The following ZFYVE26 variants were observed in gnomAD, a reference collection of about 807,000 sequenced individuals.
ZFYVE26 encodes zinc finger FYVE domain-containing protein 26.
ZFYVE26 carries 181 observed loss-of-function variants against 276.5 expected under a neutral mutation model. The observed-to-expected ratio is 0.65, with a 90% CI of 0.58 to 0.74. The LOEUF (loss-of-function observed/expected upper bound fraction) is 0.74. Among genes scored for constraint, ZFYVE26 ranks in the 30% least tolerant of loss-of-function variants. ZFYVE26 has a pLI of 0.00. For missense variants in ZFYVE26, 2,821 were observed against 3,097.9 expected (o/e 0.91, Z 2.12); for synonymous variants, 1,129 against 1,203.1 (o/e 0.94, Z 1.27).
At position 67,762,365 on chromosome 14, in the gene ZFYVE26, C is replaced by T. The variant is rs1477761332; in HGVS notation, c.6207G>A (p.Trp2069Ter). The change falls in exon 34 of 42, where the codon TGG (tryptophan) becomes TGA (stop). Residue 2069 changes from tryptophan (W) to a stop codon, truncating the protein, a stop_gained. Coordinates refer to ENST00000347230, the MANE Select transcript of ZFYVE26 (RefSeq NM_015346.4). LOFTEE classifies it high-confidence loss of function. ...TCCCGGCTTTGAGGCAGGCCATGCCCCAAGCATGCCACGCCCCGGTGGTAT... is the reference window on the plus strand; with the variant it reads ...TCCCGGCTTTGAGGCAGGCCATGCCTCAAGCATGCCACGCCCCGGTGGTAT... ...GLDTTGAWHAWGMACLKAGNL... is the reference protein window; with the variant it reads ...GLDTTGAWHA 6.2e-7 allele frequency: 1 copy of T among 1,614,062 alleles called. No individual in the cohort carries two copies. The highest frequency in any genetic ancestry group is 8.5e-7 in the Non-Finnish European group (1 of 1,180,040).
intron 13 of ZFYVE26, among the ~76,000 whole-genome samples, chr14:67,738,392 A>C (rs2038376271): frequency 6.7e-6 from 1 of 148,482 alleles, no homozygotes; most frequent in East Asian, 1.9e-4. Flanking sequence ...TAAAATATAT[A>C]CTTATAGAAA....
intron 40 of ZFYVE26, chr14:67,751,677 T>C: frequency 5.7e-6 from 1 of 175,730 alleles, no homozygotes; most frequent in Non-Finnish European, 1.2e-5. Context: ...ACGGAGACCA[T>C]CCTGGCTAAC....
At chr14:67,785,745 G>T in intron 18 of ZFYVE26, 113 bp downstream of exon 18, 1 of 1,442,626 alleles carries the variant, frequency 6.9e-7, no homozygotes, top group Non-Finnish European at 9.7e-7. Flanking sequence ...CTAAAGGGCT[G>T]ATAGATCCCA....
chr14:67,793,551 C>T (rs1006066419), intron 14 of ZFYVE26, 57 bp downstream of exon 14: 48 of 1,585,608 alleles, frequency 3.0e-5, no homozygotes, highest in East Asian at 1.1e-4. Context: ...GTACATGCTC[C>T]GAGCCTTACC....
At chr14:67,775,408 G>A (rs1038669734) in intron 26 of ZFYVE26, among the ~76,000 whole-genome samples, 1 of 152,178 alleles carries the variant, frequency 6.6e-6, no homozygotes, top group African/African-American at 2.4e-5. Flanking sequence ...TGATGCCCCT[G>A]GAGAGTAGGG....
chr14:67,754,931 T>A, intron 37 of ZFYVE26, 120 bp downstream of exon 37: 1 of 1,151,790 alleles, frequency 8.7e-7, no homozygotes, highest in Non-Finnish European at 1.3e-6. Context: ...CATCCAGGGA[T>A]GATTCCCTTT....
intron 41 of ZFYVE26, 128 bp from the exon 42 acceptor site, chr14:67,748,767 T>A: frequency 1.1e-6 from 1 of 915,330 alleles, no homozygotes; most frequent in Non-Finnish European, 1.8e-6. Flanking sequence ...ACAGGATTCA[T>A]GTATTTTATG....
chr14:67,805,246 C>A lies in ZFYVE26; in HGVS notation c.1242G>T (p.Glu414Asp), dbSNP rs981853583. Residue 414 changes from glutamate (E) to aspartate (D), a missense_variant, in exon 8 of 42, where the codon GAG (glutamate) becomes GAT (aspartate). Physicochemically the swap from Glu to Asp is conservative, Grantham distance 45 (BLOSUM62 2). Coordinates refer to ENST00000347230, the MANE Select transcript of ZFYVE26 (RefSeq NM_015346.4). ...TCTGCTGTATGCACCACTCCAGGAC[C>A]TCCAGGTGAGCCCACAACCCATCAC... is the stretch of plus-strand genomic sequence containing the variant. ...DACDGLWAHL[E>D]VLEWCIQQSS... 6.2e-7 allele frequency: 1 copy of A among 1,614,018 alleles called. No individual in the cohort carries two copies. Among genetic ancestry groups the A allele is most frequent in the Non-Finnish European group, 8.5e-7 (1 of 1,180,024 alleles).
intron 13 of ZFYVE26, among the ~76,000 whole-genome samples, chr14:67,732,073 G>A (rs2038284056): frequency 6.8e-6 from 1 of 147,690 alleles, no homozygotes; most frequent in Admixed American, 6.9e-5. Context: ...GCTGCAGTAA[G>A]CCGAGATCAC....
intron 2 of ZFYVE26, among the ~76,000 whole-genome samples, chr14:67,814,509 A>G (rs1566901677): frequency 2.0e-5 from 3 of 149,304 alleles, no homozygotes; most frequent in African/African-American, 7.7e-5. Flanking sequence ...ACAGAGCAAG[A>G]CTCTGTCTCC....
chr14:67,730,661 T>A (rs1039877175), intron 13 of ZFYVE26, among the ~76,000 whole-genome samples: 1 of 152,188 alleles, frequency 6.6e-6, no homozygotes, highest in Admixed American at 6.5e-5. Context: ...TGGAGGGCAA[T>A]GGCTTGATCT....
At position 67,815,883 on chromosome 14, in the gene ZFYVE26, T is replaced by C. The variant is rs201633671; in HGVS notation, c.81A>G (p.Gly27=). The change falls in exon 2 of 42, where the codon GGA becomes GGG. Residue 27 remains glycine (G), a synonymous_variant. Coordinates refer to ENST00000347230, the MANE Select transcript of ZFYVE26 (RefSeq NM_015346.4). The stretch of plus-strand genomic sequence containing the variant: ...CACATGCCTGTGCCAGCTCCCATTC[T>C]CCCCTCCGCAGGCATTCGCAGAAAA... ...FGFFCECLRR[G]EWELAQACVP... is the part of the protein sequence containing the mutation. 6.2e-7 allele frequency: 1 copy of C among 1,614,048 alleles called. No individual in the cohort carries two copies. The highest frequency in any genetic ancestry group is 8.5e-7 in the Non-Finnish European group (1 of 1,180,028).
intron 35 of ZFYVE26, chr14:67,760,634 T>C (rs985949233): frequency 1.3e-5 from 2 of 153,802 alleles, no homozygotes; most frequent in Non-Finnish European, 2.9e-5. Context: ...AGGATGAGGT[T>C]GGAGGATTTC....
At chr14:67,801,259 A>G (rs2040073150) in intron 10 of ZFYVE26, among the ~76,000 whole-genome samples, 1 of 152,160 alleles carries the variant, frequency 6.6e-6, no homozygotes, top group Non-Finnish European at 1.5e-5. Context: ...TCAAAGAAAA[A>G]AAAAAAAGTA....
intron 32 of ZFYVE26, among the ~76,000 whole-genome samples, chr14:67,764,300 G>A (rs1881593778): frequency 6.6e-6 from 1 of 152,188 alleles, no homozygotes; most frequent in South Asian, 2.1e-4. Flanking sequence ...AGGGATGGGG[G>A]AGAGGAAAGT....
At chr14:67,766,192 C>G (rs773661058) in intron 32 of ZFYVE26, 35 bp downstream of exon 32, 2 of 1,603,176 alleles carry the variant, frequency 1.2e-6, no homozygotes, top group East Asian at 4.5e-5. Context: ...AGAAACTGCT[C>G]CTGTGTAAAA....
chr14:67,775,488 TGA>T (rs2039318427), intron 26 of ZFYVE26, among the ~76,000 whole-genome samples: 1 of 152,182 alleles, frequency 6.6e-6, no homozygotes, highest in South Asian at 2.1e-4. Flanking sequence ...TAGAAGAGGC[TGA>T]GTCAGCTCAC....
At position 67,772,163 on chromosome 14, in the gene ZFYVE26, G is replaced by T; in HGVS notation, c.5368C>A (p.Pro1790Thr). Residue 1790 changes from proline to threonine, a missense_variant, in exon 28 of 42, where the codon CCA (proline) becomes ACA (threonine). Physicochemically the swap from Pro to Thr is conservative, Grantham distance 38 (BLOSUM62 -1). Transcript: ENST00000347230. ...SPSLRERSFPPTQPSQEFVPP... is the reference protein window; with the variant it reads ...SPSLRERSFPTTQPSQEFVPP... ...ACAAATTCCTGTGAGGGCTGGGTTG[G>T]TGGGAAACTCCTTTCCCTTAGACTA... is the stretch of plus-strand genomic sequence containing the variant. 6.2e-7 allele frequency: 1 copy of T among 1,613,342 alleles called. No homozygotes were observed. The highest frequency in any genetic ancestry group is 8.5e-7 in the Non-Finnish European group (1 of 1,179,804).
At chr14:67,777,855 C>A (rs1351499121) in intron 24 of ZFYVE26, 120 bp from the exon 25 acceptor site, 1 of 1,320,028 alleles carries the variant, frequency 7.6e-7, no homozygotes, top group Non-Finnish European at 1.1e-6. Context: ...TTTCTCTATA[C>A]TCCTTTTTTT....
Sources: allele counts gnomAD v4.1 joint callset (sites outside exome capture counted in the v4.1 genomes callset), GRCh38; gene constraint gnomAD v4.1.1; transcripts MANE v1.5; gene names NCBI Gene and HGNC (gene_info 2026-07-23, HGNC 2026-07-21).